GARIN1B: variants seen among roughly 807,000 people sequenced by gnomAD.
GARIN1B encodes golgi associated RAB2 interactor 1B.
chr7:128,729,900 A>G, the GARIN1B span: 1 of 1,612,598 alleles, frequency 6.2e-7, no homozygotes. Context: ...TACTTGATCT[A>G]GGGAAAGATT....
At chr7:128,716,014 A>T in the GARIN1B span, among the ~76,000 whole-genome samples, 3 of 152,240 alleles carry the variant, frequency 2.0e-5, no homozygotes, top group East Asian at 3.9e-4. Context: ...GTAAAAAGAG[A>T]CGCTTCTTGA....
chr7:128,716,889 C>T, the GARIN1B span: 1 of 1,613,948 alleles, frequency 6.2e-7, no homozygotes, highest in South Asian at 1.1e-5. Context: ...TCCTCGGTAC[C>T]CTGCCTGCCC....
At chr7:128,718,722 C>T in the GARIN1B span, 19 of 1,386,028 alleles carry the variant, frequency 1.4e-5, no homozygotes, top group South Asian at 2.2e-4. Context: ...ACCCTCTTTT[C>T]TACCTCCAAA....
At chr7:128,714,911 C>T in the GARIN1B span, among the ~76,000 whole-genome samples, 4 of 152,264 alleles carry the variant, frequency 2.6e-5, no homozygotes, top group Admixed American at 6.5e-5. Flanking sequence ...ACCAGCCTGC[C>T]GCGGCAGAAT....
chr7:128,709,876 T>G, the GARIN1B span, among the ~76,000 whole-genome samples: 2,932 of 151,658 alleles, frequency 0.019, 47 homozygotes, highest in South Asian at 0.053. Flanking sequence ...CTCAGCCTCC[T>G]GAGTAGCTGG....
the GARIN1B span, among the ~76,000 whole-genome samples, chr7:128,711,658 GACACACACACACAC>G: frequency 2.8e-5 from 4 of 144,976 alleles, no homozygotes; most frequent in South Asian, 2.2e-4. Context: ...TGGTTTTACA[GACACACACACACAC>G]ACACACACAC....
the GARIN1B span, chr7:128,719,188 C>A: frequency 8.4e-7 from 1 of 1,186,536 alleles, no homozygotes; most frequent in Non-Finnish European, 1.2e-6. Flanking sequence ...CAGTGTGAGG[C>A]CTTTTCTAAA....
the GARIN1B span, chr7:128,719,225 A>G: frequency 1.6e-6 from 1 of 615,986 alleles, no homozygotes; most frequent in East Asian, 2.9e-5. Context: ...CATTTAGAAC[A>G]ATAAAATCCA....
the GARIN1B span, chr7:128,724,684 T>C: frequency 7.8e-7 from 1 of 1,280,008 alleles, no homozygotes; most frequent in African/African-American, 1.5e-5. Context: ...TATGGTTTAA[T>C]AGAAAGGAGA....
the GARIN1B span, among the ~76,000 whole-genome samples, chr7:128,719,697 C>CTTTTTTTTTTTTTTTTTTTTTTTTTCT: frequency 1.0e-5 from 1 of 99,022 alleles, no homozygotes; most frequent in Non-Finnish European, 1.9e-5. Context: ...TTTTGTTTTG[C>CTTTTTTTTTTTTTTTTTTTTTTTTTCT]TTTTTTTTTT....
chr7:128,719,209 G>GC, the GARIN1B span: 1 of 842,710 alleles, frequency 1.2e-6, no homozygotes, highest in Non-Finnish European at 1.8e-6. Flanking sequence ...CAGCTTTATT[G>GC]AGTATCATTT....
At chr7:128,729,030 G>A in the GARIN1B span, among the ~76,000 whole-genome samples, 1 of 152,130 alleles carries the variant, frequency 6.6e-6, no homozygotes, top group Non-Finnish European at 1.5e-5. Context: ...AACATTTCTG[G>A]GACTTGAGAA....
chr7:128,723,547 T>C, the GARIN1B span: 1 of 256,764 alleles, frequency 3.9e-6, no homozygotes, highest in Non-Finnish European at 7.2e-6. Flanking sequence ...CCACTCACTA[T>C]CCAGTCTTTT....
the GARIN1B span, chr7:128,716,869 G>T: frequency 6.2e-7 from 1 of 1,613,772 alleles, no homozygotes; most frequent in Non-Finnish European, 8.5e-7. Flanking sequence ...CCATGGCCCT[G>T]GGGGTGACCT....
At chr7:128,724,942 C>A in the GARIN1B span, 69 of 1,137,774 alleles carry the variant, frequency 6.1e-5, no homozygotes, top group Non-Finnish European at 7.3e-5. Context: ...CATATCGAAA[C>A]CTGGGGGCTC....
the GARIN1B span, among the ~76,000 whole-genome samples, chr7:128,711,489 C>G: frequency 2.6e-5 from 4 of 151,704 alleles, no homozygotes; most frequent in East Asian, 3.9e-4. Flanking sequence ...CTTGGATAAG[C>G]CAGCTGTAGT....
At chr7:128,716,830 T>C in the GARIN1B span, 2 of 1,611,292 alleles carry the variant, frequency 1.2e-6, no homozygotes, top group Non-Finnish European at 1.7e-6. Context: ...GGGGCAGGAA[T>C]TGGAGAGACG....
At chr7:128,726,567 C>T in the GARIN1B span, among the ~76,000 whole-genome samples, 1 of 151,926 alleles carries the variant, frequency 6.6e-6, no homozygotes, top group African/African-American at 2.4e-5. Flanking sequence ...TGGAGTCACC[C>T]CCTCCTCCTC....
chr7:128,723,551 G>T, the GARIN1B span: 12 of 199,726 alleles, frequency 6.0e-5, no homozygotes, highest in East Asian at 3.5e-4. Context: ...TCACTATCCA[G>T]TCTTTTTTTT....
Sources: gnomAD v4.1 joint callset for allele counts (sites outside exome capture counted in the v4.1 genomes callset) on GRCh38, gnomAD v4.1.1 for gene constraint, MANE v1.5 for transcripts, NCBI Gene and HGNC (gene_info 2026-07-23, HGNC 2026-07-21) for gene names.